BABAM2: variants seen among roughly 807,000 people sequenced by gnomAD.
BABAM2 encodes BRISC and BRCA1 A complex member 2.
In BABAM2, 31 loss-of-function variants were observed where a neutral mutation model predicts 54.7. That is an observed-to-expected ratio of 0.57 (90% CI 0.43 to 0.77). BABAM2 has a LOEUF of 0.77. Ranked by LOEUF, BABAM2 falls within the 30% of genes least tolerant of loss-of-function variation. The pLI is 0.00. For synonymous variants in BABAM2, 167 were observed against 162.9 expected (o/e 1.03, Z -0.19); for missense variants, 364 against 455.8 (o/e 0.80, Z 1.83).
chr2:27,989,024 A>T (rs1221981360), intron 4 of BABAM2, among the ~76,000 whole-genome samples: 1 of 152,204 alleles, frequency 6.6e-6, no homozygotes, highest in Non-Finnish European at 1.5e-5. Context: ...TGTCTTAAAC[A>T]TTAGAACATA....
intron 6 of BABAM2, among the ~76,000 whole-genome samples, chr2:28,114,404 G>C (rs139082732): frequency 6.6e-6 from 1 of 152,014 alleles, no homozygotes; most frequent in East Asian, 1.9e-4. Flanking sequence ...ATTCATTCTC[G>C]GTATATAGAA....
intron 11 of BABAM2, among the ~76,000 whole-genome samples, chr2:28,333,806 C>A (rs1572438080): frequency 6.6e-6 from 1 of 152,218 alleles, no homozygotes; most frequent in Non-Finnish European, 1.5e-5. Flanking sequence ...ACTTCACTAT[C>A]CCCTAGAACA....
chr2:27,892,686 GA>G (rs1447135080), intron 1 of BABAM2, among the ~76,000 whole-genome samples: 4 of 152,128 alleles, frequency 2.6e-5, no homozygotes, highest in African/African-American at 9.7e-5. Flanking sequence ...GGCTTGTGAA[GA>G]TCAACTGCAG....
chr2:28,192,465 C>G (rs1183859622), intron 7 of BABAM2, among the ~76,000 whole-genome samples: 2 of 150,150 alleles, frequency 1.3e-5, no homozygotes, highest in African/African-American at 2.5e-5. Context: ...AATAGAGAAG[C>G]TAATGCAGTC....
chr2:28,260,063 G>A (rs1684357653), intron 10 of BABAM2, among the ~76,000 whole-genome samples: 1 of 151,976 alleles, frequency 6.6e-6, no homozygotes, highest in South Asian at 2.1e-4. Flanking sequence ...ACCATGCCTG[G>A]CTAATTTTTG....
chr2:28,154,131 T>C (rs889439214), intron 7 of BABAM2, among the ~76,000 whole-genome samples: 3 of 152,194 alleles, frequency 2.0e-5, no homozygotes, highest in African/African-American at 4.8e-5. Context: ...ACTGAGTACA[T>C]TAGACATTAG....
chr2:28,101,404 G>T (rs557248301), intron 6 of BABAM2, among the ~76,000 whole-genome samples: 1 of 152,264 alleles, frequency 6.6e-6, no homozygotes, highest in African/African-American at 2.4e-5. Context: ...GAATGGGCAG[G>T]TATATGTTGG....
chr2:28,225,687 A>G (rs1252917123), intron 7 of BABAM2, among the ~76,000 whole-genome samples: 1 of 151,826 alleles, frequency 6.6e-6, no homozygotes, highest in Non-Finnish European at 1.5e-5. Context: ...GTTCAAAATC[A>G]TATAAATAGC....
intron 2 of BABAM2, among the ~76,000 whole-genome samples, chr2:27,899,476 G>GTT (rs10710226): frequency 1.4e-5 from 2 of 144,418 alleles, no homozygotes; most frequent in Admixed American, 6.9e-5. Context: ...TAGTCCTAGT[G>GTT]TTTTTTTTTT....
chr2:27,915,050 G>T (rs868021223), intron 2 of BABAM2, among the ~76,000 whole-genome samples: 3 of 152,100 alleles, frequency 2.0e-5, no homozygotes, highest in South Asian at 4.2e-4. Context: ...AACATGAGAG[G>T]CATGATGGGC....
Position 28,304,133 on chromosome 2 carries a change from G to A in BABAM2, c.1088+5642G>A, listed in dbSNP as rs1019813531. Among the ~76,000 whole-genome samples, 6 of 151,880 alleles carry A rather than the reference G, an allele frequency of 4.0e-5. No homozygotes were observed. The highest frequency in any genetic ancestry group is 1.3e-4 in the Admixed American group (2 of 15,252). Reference sequence around the variant, plus strand: ...TGCAATGGCATGATCTTGGCTCACCGCAACCTCCACCTCCCAGGTTCAAGT... The same window carrying A: ...TGCAATGGCATGATCTTGGCTCACCACAACCTCCACCTCCCAGGTTCAAGT... On this transcript the variant is annotated intron_variant, in intron 11 of 11. Transcript: ENST00000379624. This position sits in a 1 kb window ranked among gnomAD's most constrained non-coding sequence, Gnocchi z 4.0.
chr2:28,292,056 ACTGGAGCATC>A (rs199593699), intron 10 of BABAM2, among the ~76,000 whole-genome samples: 3,411 of 152,316 alleles, frequency 0.022, 79 homozygotes, highest in African/African-American at 0.057. Flanking sequence ...GCTTGGAGGA[ACTGGAGCATC>A]CTGAGAGGAC....
At chr2:27,890,364 T>C (rs1664715021), upstream of BABAM2, 3 of 1,610,326 alleles carry the variant, frequency 1.9e-6, no homozygotes, top group African/African-American at 1.3e-5. This position sits in a 1 kb window ranked among gnomAD's most constrained non-coding sequence, Gnocchi z 4.8. Flanking sequence ...GGTGCTGCTG[T>C]CCAACCTGGA....
In BABAM2 at chr2:28,108,927, G is replaced by T. The variant is rs558318946; in HGVS notation, c.571-20344G>T. Among the ~76,000 whole-genome samples the T allele has an allele frequency of 1.6e-4, 24 of 152,096 alleles. No individual in the cohort carries two copies. In the South Asian group the frequency reaches 2.7e-3, roughly 17 times the overall value. On this transcript the variant is annotated intron_variant, in intron 6 of 11. Transcript: ENST00000379624. ...TCTACATATTGGACAGATAACTTCCGTTATCTCAGTTCTGGAAGTTATCTC... is the reference window on the plus strand; with the variant it reads ...TCTACATATTGGACAGATAACTTCCTTTATCTCAGTTCTGGAAGTTATCTC...
intron 7 of BABAM2, among the ~76,000 whole-genome samples, chr2:28,196,804 A>G (rs1677611849): frequency 7.6e-6 from 1 of 131,790 alleles, no homozygotes; most frequent in South Asian, 2.5e-4. Flanking sequence ...CTATGATCAC[A>G]CTCCAGCCTG....
At chr2:27,927,308 G>T (rs533963618) in intron 2 of BABAM2, among the ~76,000 whole-genome samples, 1 of 152,208 alleles carries the variant, frequency 6.6e-6, no homozygotes, top group Non-Finnish European at 1.5e-5. Flanking sequence ...GGTTAATCCT[G>T]ACGATTTCCT....
chr2:28,097,563 A>G (rs1558332156), intron 6 of BABAM2, among the ~76,000 whole-genome samples: 3 of 152,252 alleles, frequency 2.0e-5, no homozygotes, highest in Non-Finnish European at 2.9e-5. Flanking sequence ...TGATAACCTT[A>G]TATCACTTAC....
intron 7 of BABAM2, among the ~76,000 whole-genome samples, chr2:28,205,066 G>T (rs191465084): frequency 3.3e-4 from 50 of 150,860 alleles, no homozygotes; most frequent in Admixed American, 9.9e-4. Flanking sequence ...CTGGGTCATT[G>T]AAAACAACTG....
chr2:28,314,312 G>A (rs561822709), intron 11 of BABAM2, among the ~76,000 whole-genome samples: 2 of 152,178 alleles, frequency 1.3e-5, no homozygotes, highest in Non-Finnish European at 2.9e-5. Context: ...AGGAAGGGAC[G>A]TATTCAAGGT....
Sources: gnomAD v4.1 joint callset for allele counts (sites outside exome capture counted in the v4.1 genomes callset) on GRCh38, gnomAD v4.1.1 for gene constraint, Gnocchi (gnomAD v3.1) non-coding constraint, MANE v1.5 for transcripts, NCBI Gene and HGNC (gene_info 2026-07-23, HGNC 2026-07-21) for gene names.